Variants in SYT16 observed in about 807,000 individuals in gnomAD.
SYT16 encodes the protein synaptotagmin-16.
Under a neutral mutation model 61.4 loss-of-function variants are expected in SYT16, and 42 were observed. That is an observed-to-expected ratio of 0.68 (90% confidence interval 0.53 to 0.89). The LOEUF is 0.89. Ranked by LOEUF, SYT16 falls within the 40% of genes least tolerant of loss-of-function variation. The pLI is 0.00. For synonymous variants in SYT16, 314 were observed against 302.3 expected (o/e 1.04, Z -0.40); for missense variants, 804 against 807.3 (o/e 1.00, Z 0.05).
intron 1 of SYT16, among the ~76,000 whole-genome samples, chr14:61,830,384 A>G (rs1298543978): frequency 6.6e-6 from 1 of 152,190 alleles, no homozygotes; most frequent in African/African-American, 2.4e-5. Flanking sequence ...TTCATGTCTT[A>G]TTCACTTTTG....
chr14:62,069,757 A>G lies in SYT16; in HGVS notation c.678A>G (p.Lys226=), dbSNP rs746530889. ...AGACAGGATTGGAGCAGAAACCAAAATTCAGCCGTTCGTTGTTGACACACG... is the reference window on the plus strand; with the variant it reads ...AGACAGGATTGGAGCAGAAACCAAAGTTCAGCCGTTCGTTGTTGACACACG... The part of the protein sequence containing the change: ...GKQTGLEQKP[K]FSRSLLTHGE... The change falls in exon 4 of 8, where the codon AAA becomes AAG. Residue 226 remains lysine, a synonymous_variant. Transcript: ENST00000683842. 9.3e-6 allele frequency: 15 copies of G among 1,614,048 alleles called. No homozygotes were observed. The Admixed American group carries it at 2.5e-4, about 27-fold the overall frequency.
rs17099369 is a variant in SYT16, at chr14:61,996,214, G to A, written c.195G>A (p.Thr65=). 3,467 of 1,613,536 alleles carry A rather than the reference G, an allele frequency of 2.1e-3. 43 individuals carry two copies. The African/African-American group carries it at 0.034, about 16-fold the overall frequency. ...QDLDNIQIQE[T]YFEDEEQDND... is the part of the protein sequence containing the mutation. ...TAGATAATATTCAGATTCAGGAAAC[G>A]TACTTTGAAGATGAAGAACAAGACA... Residue 65 remains threonine, a synonymous_variant, in exon 3 of 8, where the codon ACG becomes ACA. Coordinates refer to ENST00000683842, the MANE Select transcript of SYT16 (RefSeq NM_001367656.1).
intron 7 of SYT16, among the ~76,000 whole-genome samples, chr14:62,095,582 A>C (rs1263593063): frequency 6.6e-6 from 1 of 151,856 alleles, no homozygotes; most frequent in African/African-American, 2.4e-5. Context: ...TGAAAGACAC[A>C]AACAGAAACT....
intron 3 of SYT16, among the ~76,000 whole-genome samples, chr14:61,999,921 C>T (rs1054452379): frequency 1.1e-4 from 17 of 151,396 alleles, no homozygotes; most frequent in Non-Finnish European, 2.2e-4. Context: ...ACATACTTTC[C>T]GTTATTTTAG....
At chr14:61,987,162 G>A (rs1025878247) in intron 2 of SYT16, among the ~76,000 whole-genome samples, 1 of 152,130 alleles carries the variant, frequency 6.6e-6, no homozygotes, top group Non-Finnish European at 1.5e-5. Flanking sequence ...CCTGAAAGGA[G>A]ATGGATGGGC....
At chr14:62,054,304 T>G (rs1050341996) in intron 3 of SYT16, among the ~76,000 whole-genome samples, 1 of 128,516 alleles carries the variant, frequency 7.8e-6, no homozygotes, top group African/African-American at 4.4e-5. Flanking sequence ...CTACAGATTG[T>G]ATGATTTTTT....
At chr14:62,016,522 T>C (rs6573410) in intron 3 of SYT16, among the ~76,000 whole-genome samples, 89,693 of 143,578 alleles carry the variant, frequency 0.62, 29,907 homozygotes, top group African/African-American at 0.87. Flanking sequence ...TGTGAAACCC[T>C]GTCTCTTCTA....
chr14:61,925,837 CTGG>C, intron 1 of SYT16, among the ~76,000 whole-genome samples: 1 of 152,260 alleles, frequency 6.6e-6, no homozygotes, highest in East Asian at 1.9e-4. Flanking sequence ...CTACACACAA[CTGG>C]TGGTATTTTT....
chr14:61,856,802 G>A (rs2046788782), intron 1 of SYT16, among the ~76,000 whole-genome samples: 1 of 152,188 alleles, frequency 6.6e-6, no homozygotes, highest in East Asian at 1.9e-4. Context: ...ATCACCAATG[G>A]AGTAAGCATA....
At chr14:61,860,490 T>C (rs1033310363) in intron 1 of SYT16, among the ~76,000 whole-genome samples, 32 of 152,286 alleles carry the variant, frequency 2.1e-4, no homozygotes, top group African/African-American at 6.7e-4. Context: ...AAGTGGCCAG[T>C]TGGGGAGCCC....
intron 1 of SYT16, among the ~76,000 whole-genome samples, chr14:61,866,151 GA>G (rs60665752): frequency 0.015 from 2,249 of 147,954 alleles, 63 homozygotes; most frequent in African/African-American, 0.052. Flanking sequence ...TTTGTAGTCT[GA>G]AAAAAAAAAC....
chr14:61,907,354 G>A (rs1672120674), intron 1 of SYT16, among the ~76,000 whole-genome samples: 1 of 152,188 alleles, frequency 6.6e-6, no homozygotes, highest in Non-Finnish European at 1.5e-5. Context: ...ATTAATAAAT[G>A]AAATCTGCAT....
intron 2 of SYT16, among the ~76,000 whole-genome samples, chr14:61,988,737 G>C (rs1400187442): frequency 6.6e-6 from 1 of 152,220 alleles, no homozygotes; most frequent in East Asian, 1.9e-4. Flanking sequence ...AGTTCCATTA[G>C]TGAAACAGGC....
chr14:61,845,357 T>TTTA (rs1201340061), intron 1 of SYT16, among the ~76,000 whole-genome samples: 1 of 152,158 alleles, frequency 6.6e-6, no homozygotes, highest in East Asian at 1.9e-4. Flanking sequence ...TGGGAGACTT[T>TTTA]TTATTATGGC....
At chr14:62,079,285 G>T in intron 5 of SYT16, 1 of 969,296 alleles carries the variant, frequency 1.0e-6, no homozygotes, top group Non-Finnish European at 1.3e-6. Context: ...CATGCTCACA[G>T]GAAAGGATAT....
At chr14:62,076,079 T>C (rs2056485752) in intron 5 of SYT16, among the ~76,000 whole-genome samples, 2 of 152,212 alleles carry the variant, frequency 1.3e-5, no homozygotes, top group Admixed American at 6.5e-5. Flanking sequence ...TCCAGAGATA[T>C]GGCTGGAGGT....
intron 3 of SYT16, among the ~76,000 whole-genome samples, chr14:62,004,586 C>G (rs781756322): frequency 6.6e-6 from 1 of 152,062 alleles, no homozygotes; most frequent in Non-Finnish European, 1.5e-5. Flanking sequence ...TATTGGAGAA[C>G]TATTATAGTA....
At chr14:61,945,013 T>G (rs1594975287) in intron 1 of SYT16, among the ~76,000 whole-genome samples, 1 of 152,134 alleles carries the variant, frequency 6.6e-6, no homozygotes, top group African/African-American at 2.4e-5. Flanking sequence ...ATATCCAGAA[T>G]GTACAAGGAA....
intron 5 of SYT16, among the ~76,000 whole-genome samples, chr14:62,076,108 C>T (rs534597840): frequency 1.3e-5 from 2 of 152,242 alleles, no homozygotes; most frequent in Admixed American, 1.3e-4. Flanking sequence ...TAGTAGCTAC[C>T]ATTTATTGAG....
Sources: allele counts gnomAD v4.1 joint callset (sites outside exome capture counted in the v4.1 genomes callset), GRCh38; gene constraint gnomAD v4.1.1; transcripts MANE v1.5; gene names NCBI Gene and HGNC (gene_info 2026-07-23, HGNC 2026-07-21).